Variants in CADPS observed in about 807,000 individuals in gnomAD.
The protein encoded by CADPS is calcium dependent secretion activator.
A neutral mutation model predicts 167.3 loss-of-function variants in CADPS; 57 were observed. That is an observed-to-expected ratio of 0.34 (90% CI 0.28 to 0.42). The LOEUF is 0.42. Ranked by LOEUF, CADPS falls within the 20% of genes least tolerant of loss-of-function variation. CADPS has a pLI of 1.00. For synonymous variants in CADPS, 676 were observed against 635.3 expected, an observed-to-expected ratio of 1.06 and a Z score of -0.96; for missense variants, 1,414 against 1,738.1, an observed-to-expected ratio of 0.81 and a Z score of 3.32.
At chr3:62,831,422 C>T (rs1469366254) in intron 1 of CADPS, among the ~76,000 whole-genome samples, 1 of 152,120 alleles carries the variant, frequency 6.6e-6, no homozygotes, top group Non-Finnish European at 1.5e-5. Flanking sequence ...GTTCCATTGT[C>T]ACAGTCACTG....
intron 1 of CADPS, among the ~76,000 whole-genome samples, chr3:62,789,130 C>A (rs897529512): frequency 6.6e-5 from 10 of 152,312 alleles, no homozygotes; most frequent in African/African-American, 1.7e-4. Context: ...AAAACTGACA[C>A]ATATTCATTC....
chr3:62,494,669 A>ATT (rs56153630), intron 18 of CADPS, among the ~76,000 whole-genome samples: 5 of 118,598 alleles, frequency 4.2e-5, no homozygotes, highest in African/African-American at 6.8e-5. Flanking sequence ...CTTACCAGCA[A>ATT]TTTTTTTTTT....
intron 10 of CADPS, 31 bp downstream of exon 10, chr3:62,557,374 T>C (rs771841484): frequency 2.0e-6 from 3 of 1,468,912 alleles, no homozygotes; most frequent in South Asian, 2.3e-5. Context: ...TGAGGGTTTG[T>C]GGGCTCGTGG....
intron 1 of CADPS, among the ~76,000 whole-genome samples, chr3:62,800,011 A>C (rs1414553395): frequency 1.3e-5 from 2 of 152,152 alleles, no homozygotes; most frequent in African/African-American, 4.8e-5. Context: ...TGCTAGCAGT[A>C]CCTTATAAGA....
intron 9 of CADPS, among the ~76,000 whole-genome samples, chr3:62,569,246 A>T (rs751857621): frequency 9.2e-5 from 14 of 152,100 alleles, no homozygotes; most frequent in Non-Finnish European, 1.9e-4. Flanking sequence ...GATTACAAGC[A>T]TGCACCACCA....
At chr3:62,599,745 AATCTATTAT>A (rs2059538627) in intron 6 of CADPS, among the ~76,000 whole-genome samples, 1 of 24,452 alleles carries the variant, frequency 4.1e-5, no homozygotes, top group African/African-American at 2.1e-4. Context: ...TAATATATAT[AATCTATTAT>A]ATATATTGTA....
At chr3:62,626,780 T>A (rs1264204631) in intron 6 of CADPS, among the ~76,000 whole-genome samples, 1 of 152,084 alleles carries the variant, frequency 6.6e-6, no homozygotes, top group African/African-American at 2.4e-5. Context: ...CCTTTTAAAA[T>A]CTAAGTTAAA....
In CADPS at chr3:62,446,794, CAT is replaced by C. The variant is rs370273910; in HGVS notation, c.3637-999_3637-998del. On this transcript the variant is annotated intron_variant, in intron 26 of 29. Coordinates refer to ENST00000383710, the MANE Select transcript of CADPS (RefSeq NM_003716.4). The surrounding 1 kb of genome is among the most constrained non-coding windows in gnomAD (Gnocchi z 4.9). ...GTGTTTCATTTTGACTCAGGTCACA[CAT>C]GTTTCTCTAGGCACAATTAAGACTA... Among the ~76,000 whole-genome samples, 60 of 152,278 alleles carry C rather than the reference CAT, an allele frequency of 3.9e-4. No homozygotes were observed. In the East Asian group the frequency reaches 6.2e-3, roughly 16 times the overall value.
chr3:62,870,547 T>G (rs1289797041), intron 1 of CADPS, among the ~76,000 whole-genome samples: 2 of 152,120 alleles, frequency 1.3e-5, no homozygotes, highest in Admixed American at 6.6e-5. Flanking sequence ...AGATACAAGC[T>G]GAATCATACA....
Position 62,433,191 on chromosome 3 carries a change from G to A in CADPS, c.3777+4913C>T, listed in dbSNP as rs771211090. ...GGTTGTTAAAATAAGGGTATCTGTGGTTTCATATATAAATATAGCAAATAT... is the reference window on the plus strand; with the variant it reads ...GGTTGTTAAAATAAGGGTATCTGTGATTTCATATATAAATATAGCAAATAT... On this transcript the variant is annotated intron_variant, in intron 28 of 29. Transcript: ENST00000383710. This position sits in a 1 kb window ranked among gnomAD's most constrained non-coding sequence, Gnocchi z 4.7. Among the ~76,000 whole-genome samples, 4 of 152,078 alleles carry A rather than the reference G, an allele frequency of 2.6e-5. No homozygotes were observed. Among genetic ancestry groups the A allele is most frequent in the Non-Finnish European group, 5.9e-5 (4 of 68,028 alleles).
At chr3:62,664,227 C>T (rs1298942008) in intron 3 of CADPS, among the ~76,000 whole-genome samples, 1 of 152,142 alleles carries the variant, frequency 6.6e-6, no homozygotes, top group Admixed American at 6.5e-5. Context: ...GACTGGTCTG[C>T]GAACTCCTGA....
chr3:62,407,366 G>T (rs1225144959), intron 28 of CADPS, among the ~76,000 whole-genome samples: 1 of 152,100 alleles, frequency 6.6e-6, no homozygotes, highest in Non-Finnish European at 1.5e-5. Flanking sequence ...GTTTTTTCTG[G>T]TAGATCATCA....
At chr3:62,800,464 T>A (rs2093695054) in intron 1 of CADPS, among the ~76,000 whole-genome samples, 1 of 152,162 alleles carries the variant, frequency 6.6e-6, no homozygotes, top group Non-Finnish European at 1.5e-5. Context: ...TATTATATGC[T>A]TTTCCAGAAT....
In CADPS at chr3:62,465,525, A is replaced by C. The variant is rs2059845111; in HGVS notation, c.3553-75T>G. On this transcript the variant is annotated intron_variant, in intron 25 of 29. Coordinates refer to ENST00000383710, the MANE Select transcript of CADPS (RefSeq NM_003716.4). The surrounding 1 kb of genome is among the most constrained non-coding windows in gnomAD (Gnocchi z 4.1). ...TCACCATAAAGCACATCATTTCCCCACCACATAAAGGCTGGGATCGAGCCC... is the reference window on the plus strand; with the variant it reads ...TCACCATAAAGCACATCATTTCCCCCCCACATAAAGGCTGGGATCGAGCCC... 2 of 1,014,346 alleles carry C rather than the reference A, an allele frequency of 2.0e-6. No individual in the cohort carries two copies. Among genetic ancestry groups the C allele is most frequent in the African/African-American group, 3.2e-5 (2 of 61,586 alleles). 62.8% of individuals were successfully genotyped at this position (1,014,346 alleles called of 1,614,324 possible). A position where few individuals can be genotyped will look rare whatever the true frequency, so the allele number is the denominator to read the frequency against.
chr3:62,508,189 T>C (rs1232349105), intron 17 of CADPS, among the ~76,000 whole-genome samples: 1 of 152,154 alleles, frequency 6.6e-6, no homozygotes, highest in Non-Finnish European at 1.5e-5. Context: ...ATAGGGCCGT[T>C]ATATCTTGGC....
intron 27 of CADPS, among the ~76,000 whole-genome samples, chr3:62,442,627 C>G (rs1163845082): frequency 6.6e-6 from 1 of 152,140 alleles, no homozygotes; most frequent in Non-Finnish European, 1.5e-5. Context: ...TTTTGAGCTA[C>G]CAATGTGCTC....
rs1173222236 is a variant in CADPS, at chr3:62,602,855, G to C, written c.1326-10107C>G. ...CTAAGGCTTCCCCGGCTTAGTTAAA[G>C]GAACTGCCAGCCACCCAGACATCAT... On this transcript the variant is annotated intron_variant, in intron 6 of 29. Transcript: ENST00000383710. This position sits in a 1 kb window ranked among gnomAD's most constrained non-coding sequence, Gnocchi z 4.4. 1.3e-5 allele frequency among the ~76,000 whole-genome samples: 2 copies of C among 152,098 alleles called. No individual in the cohort carries two copies. Among genetic ancestry groups the C allele is most frequent in the African/African-American group, 4.8e-5 (2 of 41,408 alleles).
chr3:62,552,144 T>G (rs1461626408), intron 10 of CADPS, among the ~76,000 whole-genome samples: 3 of 144,632 alleles, frequency 2.1e-5, no homozygotes, highest in Non-Finnish European at 4.5e-5. Context: ...TAGCGAGAAG[T>G]GCATGTTCTC....
At chr3:62,473,532 T>C (rs984075865) in intron 24 of CADPS, among the ~76,000 whole-genome samples, 5 of 152,186 alleles carry the variant, frequency 3.3e-5, no homozygotes, top group African/African-American at 9.7e-5. Context: ...AGAAAAATGA[T>C]CATGATAGTC....
Sources: gnomAD v4.1 joint callset for allele counts (sites outside exome capture counted in the v4.1 genomes callset) on GRCh38, gnomAD v4.1.1 for gene constraint, Gnocchi (gnomAD v3.1) non-coding constraint, MANE v1.5 for transcripts, NCBI Gene and HGNC (gene_info 2026-07-23, HGNC 2026-07-21) for gene names.